Variants in ZNF385D observed in about 807,000 individuals in gnomAD.
ZNF385D encodes the protein zinc finger protein 659.
ZNF385D carries 15 observed loss-of-function variants against 35.8 expected under a neutral mutation model. The ratio of observed to expected loss-of-function variants is 0.42; its 90% CI spans 0.28 to 0.64. ZNF385D has a LOEUF of 0.64. ZNF385D is among the 30% of genes least tolerant of loss of function. The probability of loss-of-function intolerance (pLI) is 0.23; values close to 1 mark genes in which losing one functional copy is unlikely to be tolerated. For synonymous variants in ZNF385D, 212 were observed against 186.8 expected (o/e 1.13, Z -1.10); for missense variants, 474 against 494.6 (o/e 0.96, Z 0.39).
chr3:21,703,779 T>C (rs564309575), intron 1 of ZNF385D, among the ~76,000 whole-genome samples: 10 of 152,300 alleles, frequency 6.6e-5, no homozygotes, highest in African/African-American at 1.9e-4. Flanking sequence ...TTGTTATTTG[T>C]AGCATCTTCT....
chr3:22,132,366 C>A (rs1703853289), intron 3 of ZNF385D, among the ~76,000 whole-genome samples: 1 of 152,124 alleles, frequency 6.6e-6, no homozygotes, highest in Non-Finnish European at 1.5e-5. Context: ...ACTTCCCAGC[C>A]TTCAGAACTG....
chr3:22,326,560 G>T (rs576898515), intron 2 of ZNF385D, among the ~76,000 whole-genome samples: 9 of 152,252 alleles, frequency 5.9e-5, no homozygotes, highest in Admixed American at 5.2e-4. Flanking sequence ...AAGGTAGAAC[G>T]GGAAAAGAAG....
At chr3:21,931,093 A>T (rs1700983763) in intron 3 of ZNF385D, among the ~76,000 whole-genome samples, 1 of 152,198 alleles carries the variant, frequency 6.6e-6, no homozygotes, top group East Asian at 1.9e-4. Flanking sequence ...ATATAAAGAA[A>T]TTTTTCAATC....
chr3:22,234,808 T>C (rs1318902477), intron 2 of ZNF385D, among the ~76,000 whole-genome samples: 1 of 152,032 alleles, frequency 6.6e-6, no homozygotes, highest in African/African-American at 2.4e-5. Context: ...AGTACCAAAA[T>C]GGGCCTGTAC....
chr3:21,487,648 A>G (rs1340128415), intron 4 of ZNF385D, among the ~76,000 whole-genome samples: 1 of 152,072 alleles, frequency 6.6e-6, no homozygotes, highest in Non-Finnish European at 1.5e-5. Context: ...TATAATACAC[A>G]TAGCTAGATC....
At chr3:21,700,276 G>A (rs992068362) in intron 1 of ZNF385D, among the ~76,000 whole-genome samples, 1 of 152,116 alleles carries the variant, frequency 6.6e-6, no homozygotes, top group African/African-American at 2.4e-5. Context: ...AAGTGGGGGA[G>A]TAAGCCATGT....
intron 3 of ZNF385D, among the ~76,000 whole-genome samples, chr3:21,852,781 T>G (rs1197883770): frequency 6.6e-6 from 1 of 151,818 alleles, no homozygotes; most frequent in Admixed American, 6.6e-5. Context: ...TATATGAAAC[T>G]TAATGGAAGG....
intron 2 of ZNF385D, among the ~76,000 whole-genome samples, chr3:22,244,897 C>T (rs1699691955): frequency 7.0e-6 from 1 of 142,392 alleles, no homozygotes. Context: ...CACTGCGTCT[C>T]CTCAGGTCTC....
At chr3:21,693,233 G>T (rs2067343244) in intron 1 of ZNF385D, among the ~76,000 whole-genome samples, 1 of 152,130 alleles carries the variant, frequency 6.6e-6, no homozygotes. Flanking sequence ...ATACCCAAAG[G>T]GAAATGGGAG....
chr3:22,210,519 A>G (rs1212253795), intron 2 of ZNF385D, among the ~76,000 whole-genome samples: 1 of 151,918 alleles, frequency 6.6e-6, no homozygotes, highest in East Asian at 1.9e-4. Flanking sequence ...ATACCATGCC[A>G]AGAAAGAAAT....
At chr3:22,354,900 T>A (rs1696078558) in intron 2 of ZNF385D, among the ~76,000 whole-genome samples, 1 of 152,030 alleles carries the variant, frequency 6.6e-6, no homozygotes, top group Non-Finnish European at 1.5e-5. Flanking sequence ...AAATGCTCAA[T>A]AGCCACGTGT....
At chr3:21,947,860 G>T (rs951121070) in intron 3 of ZNF385D, among the ~76,000 whole-genome samples, 39 of 152,118 alleles carry the variant, frequency 2.6e-4, no homozygotes, top group African/African-American at 9.4e-4. Context: ...ATATTTAATA[G>T]AATTTGTTAC....
intron 2 of ZNF385D, among the ~76,000 whole-genome samples, chr3:22,322,049 G>T (rs1360653992): frequency 6.6e-6 from 1 of 151,830 alleles, no homozygotes; most frequent in Non-Finnish European, 1.5e-5. Flanking sequence ...TTTTTCTGGG[G>T]TTATTTAACC....
intron 2 of ZNF385D, among the ~76,000 whole-genome samples, chr3:22,339,915 C>T (rs902494654): frequency 2.0e-5 from 3 of 152,204 alleles, no homozygotes; most frequent in Admixed American, 1.3e-4. Context: ...CCACCTAACC[C>T]TCTGAGCCCT....
chr3:21,991,736 T>A (rs1695163702), intron 3 of ZNF385D, among the ~76,000 whole-genome samples: 1 of 152,170 alleles, frequency 6.6e-6, no homozygotes, highest in Non-Finnish European at 1.5e-5. Context: ...CCAGATTGCA[T>A]TTGGAACTTG....
chr3:22,273,027 C>G (rs1701256634), intron 2 of ZNF385D, among the ~76,000 whole-genome samples: 1 of 149,270 alleles, frequency 6.7e-6, no homozygotes, highest in African/African-American at 2.5e-5. Flanking sequence ...TAACTAGGAT[C>G]ATTATTTAAC....
At chr3:21,785,254 C>T (rs2071642595) in intron 3 of ZNF385D, among the ~76,000 whole-genome samples, 1 of 151,976 alleles carries the variant, frequency 6.6e-6, no homozygotes. Context: ...GAATAATTGA[C>T]CATTAAAAAT....
At chr3:22,363,555 G>A (rs1218817872) in intron 2 of ZNF385D, among the ~76,000 whole-genome samples, 1 of 152,114 alleles carries the variant, frequency 6.6e-6, no homozygotes, top group Non-Finnish European at 1.5e-5. Context: ...TCTTTATGAA[G>A]ACTCATGAGA....
chr3:21,548,739 T>C (rs931596170), intron 3 of ZNF385D, among the ~76,000 whole-genome samples: 3 of 152,222 alleles, frequency 2.0e-5, no homozygotes, highest in Non-Finnish European at 4.4e-5. Context: ...AGTTGAAAAC[T>C]ATCAGCTGAT....
Sources: allele counts gnomAD v4.1 joint callset (sites outside exome capture counted in the v4.1 genomes callset), GRCh38; gene constraint gnomAD v4.1.1; transcripts MANE v1.5; gene names NCBI Gene and HGNC (gene_info 2026-07-23, HGNC 2026-07-21).